The following AFTPH variants were observed in gnomAD, a reference collection of about 807,000 sequenced individuals.
AFTPH encodes the protein aftiphilin, also known as aftiphilin protein.
In AFTPH, 7 loss-of-function variants were observed where a neutral mutation model predicts 72.5. The ratio of observed to expected loss-of-function variants is 0.10; its 90% confidence interval spans 0.05 to 0.18. The LOEUF (loss-of-function observed/expected upper bound fraction) is 0.18. Ranked by LOEUF, AFTPH falls within the 10% of genes least tolerant of loss-of-function variation. AFTPH has a pLI of 1.00. For synonymous variants in AFTPH, 337 were observed against 370.1 expected (o/e 0.91, Z 1.03); for missense variants, 979 against 1,060.5 (o/e 0.92, Z 1.07).
At chr2:64,572,970 C>G in exon 6 of AFTPH, 7 of 1,614,062 alleles carry the variant, frequency 4.3e-6, no homozygotes, top group Non-Finnish European at 5.9e-6. Flanking sequence ...CACCAAGGAA[C>G]CACTGAAACC....
chr2:64,587,303 T>C (rs1048209986), intron 8 of AFTPH, among the ~76,000 whole-genome samples: 1 of 152,146 alleles, frequency 6.6e-6, no homozygotes, highest in African/African-American at 2.4e-5. Context: ...TAAAACAAAA[T>C]AAATTGGAGA....
At chr2:64,574,349 G>A (rs1672640033) in intron 6 of AFTPH, among the ~76,000 whole-genome samples, 2 of 152,050 alleles carry the variant, frequency 1.3e-5, no homozygotes, top group African/African-American at 4.8e-5. Flanking sequence ...AGTAAGTTTG[G>A]GAAATACTTC....
At chr2:64,530,265 T>C (rs1669551647) in intron 1 of AFTPH, among the ~76,000 whole-genome samples, 1 of 152,182 alleles carries the variant, frequency 6.6e-6, no homozygotes, top group Admixed American at 6.5e-5. Context: ...TGAAGACTTG[T>C]TGTAGTGTTT....
At chr2:64,557,125 T>A (rs1671426158) in intron 2 of AFTPH, among the ~76,000 whole-genome samples, 2 of 152,166 alleles carry the variant, frequency 1.3e-5, no homozygotes, top group Admixed American at 1.3e-4. Flanking sequence ...TTTTTTAACT[T>A]TTTTGTTTCA....
At chr2:64,565,305 G>A (rs190958060) in intron 2 of AFTPH, among the ~76,000 whole-genome samples, 183 of 151,416 alleles carry the variant, frequency 1.2e-3, no homozygotes, top group Non-Finnish European at 2.0e-3. Flanking sequence ...GTGAAACACC[G>A]TCTACTAAAA....
At chr2:64,527,473 G>A (rs769845605) in intron 1 of AFTPH, among the ~76,000 whole-genome samples, 4 of 151,910 alleles carry the variant, frequency 2.6e-5, no homozygotes, top group South Asian at 2.1e-4. Context: ...CCAGCTATTC[G>A]GGAGACTGAG....
chr2:64,588,541 G>A (rs1421001029), intron 8 of AFTPH, among the ~76,000 whole-genome samples: 1 of 152,158 alleles, frequency 6.6e-6, no homozygotes, highest in Non-Finnish European at 1.5e-5. Context: ...ATTCCCACCA[G>A]TAATATACAT....
chr2:64,553,307 T>C (rs371892827), exon 2 of AFTPH: 1 of 1,614,068 alleles, frequency 6.2e-7, no homozygotes, highest in Non-Finnish European at 8.5e-7. Flanking sequence ...CAGATGAAAA[T>C]ATTGATACTC....
At chr2:64,532,655 C>G (rs1332696797) in intron 1 of AFTPH, among the ~76,000 whole-genome samples, 1 of 152,160 alleles carries the variant, frequency 6.6e-6, no homozygotes, top group Non-Finnish European at 1.5e-5. Context: ...AGCTTGAGCT[C>G]TGTTCTTGTT....
chr2:64,558,329 A>G (rs1410266245), intron 2 of AFTPH, among the ~76,000 whole-genome samples: 1 of 152,216 alleles, frequency 6.6e-6, no homozygotes, highest in African/African-American at 2.4e-5. Context: ...GAAAGGACAT[A>G]TAACAAAACC....
intron 1 of AFTPH, among the ~76,000 whole-genome samples, chr2:64,537,804 T>G (rs1310158897): frequency 6.6e-6 from 1 of 152,246 alleles, no homozygotes; most frequent in African/African-American, 2.4e-5. Flanking sequence ...ACTTTCATTT[T>G]ATCAAATACT....
At chr2:64,545,974 C>T (rs1157126922) in intron 1 of AFTPH, among the ~76,000 whole-genome samples, 3 of 151,912 alleles carry the variant, frequency 2.0e-5, no homozygotes, top group African/African-American at 7.3e-5. Context: ...CTCACTGCAA[C>T]CTCTGCCTCC....
At position 64,579,566 on chromosome 2, in the gene AFTPH, C is replaced by A; in HGVS notation, c.2455+20C>A. 6.2e-7 allele frequency: 1 copy of A among 1,606,190 alleles called. No homozygotes were observed. The highest frequency in any genetic ancestry group is 8.5e-7 in the Non-Finnish European group (1 of 1,173,630). ...TAGATGGTACGTCTCTCCGTAGAGC[C>A]TCTAGCACCAGAGCTAGAGTTAAGA... On this transcript the variant is annotated intron_variant, in intron 7 of 8. Transcript: ENST00000238856.
exon 9 of AFTPH, chr2:64,592,651 T>C (rs911743122): frequency 3.3e-5 from 5 of 152,614 alleles, no homozygotes; most frequent in African/African-American, 1.2e-4. Flanking sequence ...AGAACTTGAT[T>C]GGAGGGGTTT....
intron 1 of AFTPH, among the ~76,000 whole-genome samples, chr2:64,531,713 T>C (rs952152540): frequency 6.6e-6 from 1 of 152,332 alleles, no homozygotes; most frequent in East Asian, 1.9e-4. Flanking sequence ...TAAAAACTAA[T>C]GTGAAATATA....
At chr2:64,557,799 T>C (rs1316936158) in intron 2 of AFTPH, among the ~76,000 whole-genome samples, 1 of 152,256 alleles carries the variant, frequency 6.6e-6, no homozygotes, top group African/African-American at 2.4e-5. Context: ...ACTTTAGCTT[T>C]CCTTATAGAT....
At chr2:64,560,421 G>A (rs987550161) in intron 2 of AFTPH, among the ~76,000 whole-genome samples, 1 of 152,146 alleles carries the variant, frequency 6.6e-6, no homozygotes, top group Non-Finnish European at 1.5e-5. Context: ...GGTAATGAAG[G>A]ACCCTGATAG....
chr2:64,547,048 C>CA (rs941245655), intron 1 of AFTPH, among the ~76,000 whole-genome samples: 40 of 151,818 alleles, frequency 2.6e-4, no homozygotes, highest in African/African-American at 7.0e-4. Context: ...GACTCTGTCT[C>CA]AAAAAAATAC....
intron 7 of AFTPH, among the ~76,000 whole-genome samples, chr2:64,581,638 GAGAT>G (rs3836063): frequency 0.11 from 16,704 of 150,972 alleles, 2,546 homozygotes; most frequent in African/African-American, 0.34. Context: ...TACAAGTTTA[GAGAT>G]AGATAGAATA....
Sources: gnomAD v4.1 joint callset for allele counts (sites outside exome capture counted in the v4.1 genomes callset) on GRCh38, gnomAD v4.1.1 for gene constraint, MANE v1.5 for transcripts, NCBI Gene and HGNC (gene_info 2026-07-23, HGNC 2026-07-21) for gene names.